PDE1C: variants seen among roughly 807,000 people sequenced by gnomAD.
The protein encoded by PDE1C is phosphodiesterase 1C.
PDE1C carries 62 observed loss-of-function variants against 93.1 expected under a neutral mutation model. The ratio of observed to expected loss-of-function variants is 0.67; its 90% CI spans 0.54 to 0.82. PDE1C has a LOEUF of 0.82. Among genes scored for constraint, PDE1C ranks in the 40% least tolerant of loss-of-function variants. PDE1C has a pLI of 0.00. For synonymous variants in PDE1C, 325 were observed against 310.1 expected (o/e 1.05, Z -0.50); for missense variants, 742 against 884.6 (o/e 0.84, Z 2.04).
At position 32,417,145 on chromosome 7, in the gene PDE1C, C is replaced by A. The variant is rs146577271; in HGVS notation, c.310+10677G>T. Among the ~76,000 whole-genome samples the A allele has an allele frequency of 7.5e-3, 1,142 of 152,216 alleles. 18 individuals are homozygous for A. The highest frequency in any genetic ancestry group is 0.027 in the African/African-American group (1,101 of 41,538). On this transcript the variant is annotated intron_variant, in intron 1 of 1. Coordinates refer to the PDE1C transcript ENST00000672256. ...AAGCATTTACCACGAGCTGAGCGGT[C>A]CCAGGGAGCATAGTCAGTTCTGTGG... is the stretch of plus-strand genomic sequence containing the variant.
At chr7:31,667,746 TG>T in the PDE1C span, among the ~76,000 whole-genome samples, 2 of 152,014 alleles carry the variant, frequency 1.3e-5, no homozygotes, top group Admixed American at 1.3e-4. Context: ...CGAGGTAGGA[TG>T]GCTCTGTCAT....
At chr7:31,730,329 G>A in the PDE1C span, among the ~76,000 whole-genome samples, 4 of 152,092 alleles carry the variant, frequency 2.6e-5, no homozygotes, top group African/African-American at 4.8e-5. Flanking sequence ...CAGCTCTCAG[G>A]TTCAGTTTCT....
chr7:32,376,189 A>C (rs1784429514), intron 1 of PDE1C, among the ~76,000 whole-genome samples: 1 of 151,934 alleles, frequency 6.6e-6, no homozygotes, highest in Non-Finnish European at 1.5e-5. Flanking sequence ...AGAAAAATTC[A>C]CAACCAATCC....
At chr7:31,887,136 G>T (rs1798053440) in intron 2 of PDE1C, among the ~76,000 whole-genome samples, 1 of 152,146 alleles carries the variant, frequency 6.6e-6, no homozygotes. Flanking sequence ...ACTCTGAACA[G>T]CACAGTGTGA....
intron 1 of PDE1C, among the ~76,000 whole-genome samples, chr7:32,398,055 A>AG (rs1403901352): frequency 6.6e-6 from 1 of 151,996 alleles, no homozygotes; most frequent in African/African-American, 2.4e-5. Flanking sequence ...CTGGAGGCTG[A>AG]GGCAGGAGAA....
At chr7:32,409,454 AC>A (rs145583983) in intron 1 of PDE1C, among the ~76,000 whole-genome samples, 2,935 of 152,352 alleles carry the variant, frequency 0.019, 49 homozygotes, top group Middle Eastern at 0.031. Context: ...TATTTCACAC[AC>A]AGTAAAAACT....
At chr7:31,849,629 T>C (rs1793075041) in intron 8 of PDE1C, among the ~76,000 whole-genome samples, 1 of 152,198 alleles carries the variant, frequency 6.6e-6, no homozygotes, top group South Asian at 2.1e-4. Context: ...CACAAACCTA[T>C]CTAGAGTGTG....
At chr7:31,965,331 T>G (rs1162857749) in intron 2 of PDE1C, among the ~76,000 whole-genome samples, 1 of 152,206 alleles carries the variant, frequency 6.6e-6, no homozygotes, top group Non-Finnish European at 1.5e-5. Context: ...CAGTAGCCGA[T>G]GCGATCAACT....
At chr7:32,122,405 C>G (rs117970298) in intron 3 of PDE1C, among the ~76,000 whole-genome samples, 17,136 of 152,238 alleles carry the variant, frequency 0.11, 1,127 homozygotes, top group Middle Eastern at 0.17. Context: ...CCCAAATCAA[C>G]AGAATATATG....
At chr7:32,064,890 C>T (rs1246716430) in intron 1 of PDE1C, among the ~76,000 whole-genome samples, 1 of 152,116 alleles carries the variant, frequency 6.6e-6, no homozygotes, top group Non-Finnish European at 1.5e-5. Context: ...CTCATGACTA[C>T]ACTTCTATCT....
chr7:32,172,725 G>A (rs1434090560), intron 2 of PDE1C, among the ~76,000 whole-genome samples: 7 of 151,708 alleles, frequency 4.6e-5, no homozygotes, highest in Non-Finnish European at 1.0e-4. Flanking sequence ...GGGAGTCTGA[G>A]GCAGGAGAAT....
At chr7:31,766,601 C>T (rs1795162840) in intron 17 of PDE1C, among the ~76,000 whole-genome samples, 1 of 152,192 alleles carries the variant, frequency 6.6e-6, no homozygotes, top group African/African-American at 2.4e-5. Flanking sequence ...GAAAAGCCAT[C>T]CTCCAGAATT....
chr7:32,144,219 C>G (rs1462709444), intron 3 of PDE1C, among the ~76,000 whole-genome samples: 1 of 152,160 alleles, frequency 6.6e-6, no homozygotes, highest in Non-Finnish European at 1.5e-5. Context: ...TCAAATGGAT[C>G]CAGGGGCTCA....
At chr7:31,808,288 C>A in intron 16 of PDE1C, 1 of 378,868 alleles carries the variant, frequency 2.6e-6, no homozygotes, top group Admixed American at 3.4e-5. Flanking sequence ...TCCGTGGAAA[C>A]TTTAATTTTT....
intron 1 of PDE1C, among the ~76,000 whole-genome samples, chr7:32,055,513 T>A (rs1014776408): frequency 6.6e-6 from 1 of 152,036 alleles, no homozygotes; most frequent in African/African-American, 2.4e-5. Flanking sequence ...AAGGAATGTA[T>A]ACAAAGAAGG....
At chr7:31,632,362 C>T in the PDE1C span, among the ~76,000 whole-genome samples, 1 of 152,094 alleles carries the variant, frequency 6.6e-6, no homozygotes. Context: ...ACAGGAGAAT[C>T]GCTTGAACCC....
chr7:31,933,170 C>G (rs185269153), intron 2 of PDE1C, among the ~76,000 whole-genome samples: 19 of 152,104 alleles, frequency 1.2e-4, no homozygotes, highest in South Asian at 4.1e-4. Flanking sequence ...CACCATGGTA[C>G]ATGTATACCT....
intron 2 of PDE1C, among the ~76,000 whole-genome samples, chr7:31,952,895 G>A (rs534141645): frequency 7.4e-4 from 113 of 151,858 alleles, no homozygotes; most frequent in Middle Eastern, 3.4e-3. Context: ...AAGTTCCCTC[G>A]CCCCATCAGA....
chr7:31,967,388 C>T (rs1810178129), intron 2 of PDE1C, among the ~76,000 whole-genome samples: 1 of 152,148 alleles, frequency 6.6e-6, no homozygotes, highest in South Asian at 2.1e-4. Flanking sequence ...TTGACACATA[C>T]ACTCTCCCAA....
Sources: gnomAD v4.1 joint callset for allele counts (sites outside exome capture counted in the v4.1 genomes callset) on GRCh38, gnomAD v4.1.1 for gene constraint, MANE v1.5 for transcripts, NCBI Gene and HGNC (gene_info 2026-07-23, HGNC 2026-07-21) for gene names.